Variants in HSD11B1 observed in about 807,000 individuals in gnomAD.
HSD11B1 encodes the protein hydroxysteroid 11-beta dehydrogenase 1, also known as 11-beta-hydroxysteroid dehydrogenase 1.
Under a neutral mutation model 22.1 loss-of-function variants are expected in HSD11B1, and 15 were observed. The ratio of observed to expected loss-of-function variants is 0.68; its 90% CI spans 0.45 to 1.04. The LOEUF is 1.04. Among genes scored for constraint, HSD11B1 ranks in the 50% least tolerant of loss-of-function variants. The pLI, the probability that HSD11B1 is intolerant of heterozygous loss-of-function variation, is 0.00. For synonymous variants in HSD11B1, 122 were observed against 125.2 expected (o/e 0.97, Z 0.17); for missense variants, 281 against 357.6 (o/e 0.79, Z 1.73).
At chr1:209,711,637 C>T (rs529156839) in intron 4 of HSD11B1, among the ~76,000 whole-genome samples, 16 of 151,956 alleles carry the variant, frequency 1.1e-4, no homozygotes, top group Non-Finnish European at 1.6e-4. Flanking sequence ...TTTGTGTAGA[C>T]GTGTCATCCA....
intron 4 of HSD11B1, among the ~76,000 whole-genome samples, chr1:209,718,368 G>A (rs760875490): frequency 2.6e-5 from 4 of 152,006 alleles, no homozygotes; most frequent in Admixed American, 6.6e-5. Context: ...CAAATATTAC[G>A]TATCAACTTA....
upstream of HSD11B1, among the ~76,000 whole-genome samples, chr1:209,703,056 T>C (rs2076834640): frequency 6.6e-6 from 1 of 152,242 alleles, no homozygotes; most frequent in South Asian, 2.1e-4. Context: ...GAGCCAACAA[T>C]CAGCAATTGT....
intron 4 of HSD11B1, among the ~76,000 whole-genome samples, chr1:209,719,506 G>A (rs2076951865): frequency 6.6e-6 from 1 of 152,180 alleles, no homozygotes; most frequent in Non-Finnish European, 1.5e-5. Flanking sequence ...GATGGATGGT[G>A]GTGATGGTTG....
At chr1:209,715,090 G>C (rs12094117) in intron 4 of HSD11B1, among the ~76,000 whole-genome samples, 1 of 152,020 alleles carries the variant, frequency 6.6e-6, no homozygotes, top group African/African-American at 2.4e-5. Context: ...AACCTAGGTG[G>C]GATGAAGAGG....
At position 209,734,366 on chromosome 1, in the gene HSD11B1, G is replaced by T; in HGVS notation, c.724G>T (p.Ala242Ser). ...HMQAAPKEEC[A>S]LEIIKGGALR... is the part of the protein sequence containing the mutation. ...GCAAGCAGCTCCAAAGGAGGAATGTGCCCTGGAGATCATCAAAGGGGGAGC... is the reference window on the plus strand; with the variant it reads ...GCAAGCAGCTCCAAAGGAGGAATGTTCCCTGGAGATCATCAAAGGGGGAGC... The change falls in exon 6 of 6, where the codon GCC becomes TCC. Residue 242 changes from alanine to serine, a missense_variant. Ala to Ser is a moderately conservative substitution (Grantham distance 99). Transcript: ENST00000367027. 1 of 1,614,108 alleles carries T rather than the reference G, an allele frequency of 6.2e-7. No individual in the cohort carries two copies. The highest frequency in any genetic ancestry group is 1.1e-5 in the South Asian group (1 of 91,086).
At chr1:209,703,806 C>T (rs1246508341), upstream of HSD11B1, among the ~76,000 whole-genome samples, 1 of 152,158 alleles carries the variant, frequency 6.6e-6, no homozygotes, top group Non-Finnish European at 1.5e-5. Context: ...TGCAGGACTG[C>T]ATTGTGATGG....
At chr1:209,721,009 C>T (rs2076961817) in intron 4 of HSD11B1, among the ~76,000 whole-genome samples, 1 of 151,976 alleles carries the variant, frequency 6.6e-6, no homozygotes, top group African/African-American at 2.4e-5. Flanking sequence ...AAGACACAGA[C>T]AGAGAGAAGA....
upstream of HSD11B1, among the ~76,000 whole-genome samples, chr1:209,702,646 T>C (rs1484604827): frequency 1.3e-5 from 2 of 152,254 alleles, no homozygotes; most frequent in African/African-American, 4.8e-5. Flanking sequence ...ATGGAATGTA[T>C]GCTTATGTAT....
chr1:209,729,785 T>A (rs2077024836), intron 4 of HSD11B1, among the ~76,000 whole-genome samples: 1 of 152,164 alleles, frequency 6.6e-6, no homozygotes, highest in South Asian at 2.1e-4. Flanking sequence ...TTCATTATGA[T>A]CAAGTAGGAT....
chr1:209,705,484 T>G (rs965597816), intron 1 of HSD11B1, among the ~76,000 whole-genome samples: 1 of 152,142 alleles, frequency 6.6e-6, no homozygotes, highest in Non-Finnish European at 1.5e-5. Context: ...TACTTTCAAT[T>G]GAGCAAAATT....
intron 1 of HSD11B1, among the ~76,000 whole-genome samples, chr1:209,693,818 T>C (rs904560638): frequency 2.0e-5 from 3 of 152,208 alleles, no homozygotes; most frequent in Non-Finnish European, 4.4e-5. Context: ...CCAGTAAACA[T>C]TGCATTCCCT....
upstream of HSD11B1, among the ~76,000 whole-genome samples, chr1:209,700,230 C>G (rs1179090072): frequency 6.6e-6 from 1 of 152,260 alleles, no homozygotes; most frequent in Non-Finnish European, 1.5e-5. Flanking sequence ...CATGAGGGCC[C>G]TGCCCTGCAG....
At chr1:209,724,353 T>C (rs1408454246) in intron 4 of HSD11B1, among the ~76,000 whole-genome samples, 1 of 152,210 alleles carries the variant, frequency 6.6e-6, no homozygotes, top group Non-Finnish European at 1.5e-5. Flanking sequence ...GGAAGATCAA[T>C]GAGACATTGC....
At chr1:209,716,381 C>T (rs2076930383) in intron 4 of HSD11B1, among the ~76,000 whole-genome samples, 1 of 146,884 alleles carries the variant, frequency 6.8e-6, no homozygotes, top group Non-Finnish European at 1.5e-5. Context: ...AGGTGAAAGA[C>T]CTCTACAGGA....
At chr1:209,729,363 A>AACACACACACACACACACAC (rs34574844) in intron 4 of HSD11B1, among the ~76,000 whole-genome samples, 1 of 146,342 alleles carries the variant, frequency 6.8e-6, no homozygotes, top group Non-Finnish European at 1.5e-5. Context: ...TGCCTCGGAA[A>AACACACACACACACACACAC]ACACACACAC....
At chr1:209,696,215 G>A (rs759770304) in intron 1 of HSD11B1, among the ~76,000 whole-genome samples, 8 of 152,326 alleles carry the variant, frequency 5.3e-5, no homozygotes, top group African/African-American at 1.7e-4. Context: ...GGGAGTGACT[G>A]TAAATGGGCA....
upstream of HSD11B1, among the ~76,000 whole-genome samples, chr1:209,701,434 C>T (rs1283115881): frequency 6.6e-6 from 1 of 152,184 alleles, no homozygotes; most frequent in Non-Finnish European, 1.5e-5. Context: ...CCCCCTGGGT[C>T]CCTCTCACAA....
chr1:209,706,969 C>A lies in HSD11B1; in HGVS notation c.358C>A (p.His120Asn). Residue 120 changes from histidine to asparagine, a missense_variant, in exon 4 of 6, where the codon CAC (histidine) becomes AAC (asparagine). Physicochemically the swap from His to Asn is moderately conservative, Grantham distance 68. Coordinates refer to ENST00000367027, the MANE Select transcript of HSD11B1 (RefSeq NM_005525.4). The surrounding 1 kb of genome is among the most constrained non-coding windows in gnomAD (Gnocchi z 4.0). Reference protein sequence around the residue: ...MGGLDMLILNHITNTSLNLFH... With the variant: ...MGGLDMLILNNITNTSLNLFH... Reference sequence around the variant, plus strand: ...AGGACTAGACATGCTCATTCTCAACCACATCACCAACACTTCTTTGAATCT... The same window carrying A: ...AGGACTAGACATGCTCATTCTCAACAACATCACCAACACTTCTTTGAATCT... The A allele has an allele frequency of 6.2e-7, 1 of 1,614,098 alleles. No homozygotes were observed. Among genetic ancestry groups the A allele is most frequent in the Non-Finnish European group, 8.5e-7 (1 of 1,179,954 alleles).
At chr1:209,691,601 C>T (rs1029310864) in intron 1 of HSD11B1, among the ~76,000 whole-genome samples, 1 of 152,056 alleles carries the variant, frequency 6.6e-6, no homozygotes, top group Non-Finnish European at 1.5e-5. Flanking sequence ...ACTAAGAAAG[C>T]AAACAAATCA....
Sources: gnomAD v4.1 joint callset for allele counts (sites outside exome capture counted in the v4.1 genomes callset) on GRCh38, gnomAD v4.1.1 for gene constraint, Gnocchi (gnomAD v3.1) non-coding constraint, MANE v1.5 for transcripts, NCBI Gene and HGNC (gene_info 2026-07-23, HGNC 2026-07-21) for gene names.